The following PGBD2 variants were observed in gnomAD, a reference collection of about 807,000 sequenced individuals.
PGBD2 encodes the protein piggyBac transposable element derived 2.
A neutral mutation model predicts 8.1 loss-of-function variants in PGBD2; 6 were observed. The ratio of observed to expected loss-of-function variants is 0.74; its 90% CI spans 0.40 to 1.46. The LOEUF (loss-of-function observed/expected upper bound fraction) is 1.46, where lower values mean the gene tolerates loss of function less well. Ranked by LOEUF, PGBD2 falls within the 40% of genes most tolerant of loss-of-function variation. The probability of loss-of-function intolerance (pLI) is 0.02; values close to 1 mark genes in which losing one functional copy is unlikely to be tolerated. For synonymous variants in PGBD2, 318 were observed against 272.2 expected, an observed-to-expected ratio of 1.17 and a Z score of -1.66; for missense variants, 802 against 739.0, an observed-to-expected ratio of 1.09 and a Z score of -0.99.
downstream of PGBD2, among the ~76,000 whole-genome samples, chr1:248,922,718 G>A (rs983777995): frequency 6.6e-6 from 1 of 152,178 alleles, no homozygotes; most frequent in African/African-American, 2.4e-5. Context: ...AGATAATCAT[G>A]TGGTTTTTGT....
intron 1 of PGBD2, among the ~76,000 whole-genome samples, chr1:248,911,344 A>G (rs988287402): frequency 1.3e-5 from 2 of 151,212 alleles, no homozygotes; most frequent in African/African-American, 2.5e-5. Context: ...GCCTTCAAGC[A>G]TCTGTTTAAC....
At chr1:248,913,711 G>GA (rs1160598037) in intron 1 of PGBD2, 105 bp from the exon 2 acceptor site, 3 of 706,042 alleles carry the variant, frequency 4.2e-6, no homozygotes, top group Non-Finnish European at 2.5e-6. Context: ...TTAAGGTGGT[G>GA]AATCTTAAGT....
the PGBD2 span, among the ~76,000 whole-genome samples, chr1:248,878,485 T>C: frequency 6.6e-6 from 1 of 152,174 alleles, no homozygotes; most frequent in African/African-American, 2.4e-5. Context: ...TTCCACATCC[T>C]TTATGACCAT....
the PGBD2 span, among the ~76,000 whole-genome samples, chr1:248,876,711 T>C: frequency 5.9e-5 from 9 of 152,238 alleles, no homozygotes; most frequent in South Asian, 2.1e-4. Flanking sequence ...TCCGTATTTA[T>C]TTTAGTTCCT....
upstream of PGBD2, among the ~76,000 whole-genome samples, chr1:248,903,130 T>G (rs774491014): frequency 7.9e-5 from 12 of 152,166 alleles, no homozygotes; most frequent in Non-Finnish European, 1.2e-4. Flanking sequence ...TCCAAATTTC[T>G]GGGATTTCAG....
At chr1:248,888,528 G>A in the PGBD2 span, among the ~76,000 whole-genome samples, 2 of 151,992 alleles carry the variant, frequency 1.3e-5, no homozygotes, top group Non-Finnish European at 2.9e-5. Flanking sequence ...ATATTGGTTG[G>A]CTCTATGTCT....
At chr1:248,899,441 A>C in the PGBD2 span, among the ~76,000 whole-genome samples, 4 of 152,130 alleles carry the variant, frequency 2.6e-5, no homozygotes, top group African/African-American at 9.7e-5. Context: ...AGATTAAGAA[A>C]CTCACTCAAA....
downstream of PGBD2, among the ~76,000 whole-genome samples, chr1:248,924,636 GTTTA>G (rs1413081685): frequency 6.6e-6 from 1 of 152,260 alleles, no homozygotes; most frequent in Non-Finnish European, 1.5e-5. Flanking sequence ...TGCATAGGGA[GTTTA>G]TTCATTCAAT....
chr1:248,914,329 C>T, intron 2 of PGBD2: 1 of 883,704 alleles, frequency 1.1e-6, no homozygotes. Flanking sequence ...TGGGTGAGGA[C>T]AGGTCAGGAA....
chr1:248,922,651 G>T (rs1408059230), downstream of PGBD2, among the ~76,000 whole-genome samples: 1 of 152,188 alleles, frequency 6.6e-6, no homozygotes, highest in African/African-American at 2.4e-5. Context: ...AGTTTATTGA[G>T]AGTTTTTAGC....
At chr1:248,894,693 C>T in the PGBD2 span, among the ~76,000 whole-genome samples, 1 of 122,164 alleles carries the variant, frequency 8.2e-6, no homozygotes, top group Non-Finnish European at 1.6e-5. Flanking sequence ...CTCCCTCCCT[C>T]CCTCCCTCCT....
chr1:248,887,820 T>C, the PGBD2 span, among the ~76,000 whole-genome samples: 2 of 152,166 alleles, frequency 1.3e-5, no homozygotes, highest in Non-Finnish European at 2.9e-5. Flanking sequence ...GCAGATTGTG[T>C]GATGCTGAGC....
intron 1 of PGBD2, among the ~76,000 whole-genome samples, chr1:248,911,118 TC>T (rs1474136189): frequency 1.3e-5 from 2 of 151,104 alleles, no homozygotes; most frequent in Admixed American, 6.6e-5. Context: ...TCTTTTCTTT[TC>T]TTTTTTTTTT....
chr1:248,930,033 C>G, the PGBD2 span, among the ~76,000 whole-genome samples: 3 of 152,172 alleles, frequency 2.0e-5, no homozygotes, highest in Non-Finnish European at 4.4e-5. Flanking sequence ...GAAGGTGAGG[C>G]AAAAGCTTCC....
the PGBD2 span, among the ~76,000 whole-genome samples, chr1:248,885,106 T>G: frequency 6.6e-6 from 1 of 152,246 alleles, no homozygotes; most frequent in East Asian, 1.9e-4. Flanking sequence ...AAGGGGTCTC[T>G]TCTGTCATTG....
chr1:248,925,011 CT>C, the PGBD2 span, among the ~76,000 whole-genome samples: 909 of 149,408 alleles, frequency 6.1e-3, 4 homozygotes, highest in Middle Eastern at 0.014. Flanking sequence ...TAACGGAGGG[CT>C]TTTTTTTTTC....
At chr1:248,906,415 T>G (rs1280041641) in intron 1 of PGBD2, 73 bp downstream of exon 1, 3 of 151,528 alleles carry the variant, frequency 2.0e-5, no homozygotes, top group African/African-American at 7.3e-5. Flanking sequence ...TGATGTTGCG[T>G]TTTCTCAACG....
the PGBD2 span, among the ~76,000 whole-genome samples, chr1:248,880,760 T>C: frequency 1.3e-5 from 2 of 152,250 alleles, no homozygotes; most frequent in East Asian, 3.8e-4. Flanking sequence ...GCTTTTATTT[T>C]ATCTATTACT....
chr1:248,894,971 T>C, the PGBD2 span, among the ~76,000 whole-genome samples: 3 of 152,188 alleles, frequency 2.0e-5, no homozygotes, highest in African/African-American at 7.2e-5. Context: ...TATTTTGTTG[T>C]TGTTGTTAAT....
Sources: allele counts gnomAD v4.1 joint callset (sites outside exome capture counted in the v4.1 genomes callset), GRCh38; gene constraint gnomAD v4.1.1; transcripts MANE v1.5; gene names NCBI Gene and HGNC (gene_info 2026-07-23, HGNC 2026-07-21).